The following PNLIP variants were observed in gnomAD, a reference collection of about 807,000 sequenced individuals.
PNLIP encodes pancreatic lipase, also known as pancreatic triacylglycerol lipase.
A neutral mutation model predicts 57.1 loss-of-function variants in PNLIP; 49 were observed. That is an observed-to-expected ratio of 0.86 (90% CI 0.68 to 1.09). The LOEUF (loss-of-function observed/expected upper bound fraction) is 1.09. PNLIP is among the 50% of genes least tolerant of loss of function. The pLI, the probability that PNLIP is intolerant of heterozygous loss-of-function variation, is 0.00. For missense variants in PNLIP, 503 were observed against 570.2 expected, an observed-to-expected ratio of 0.88 and a Z score of 1.20; for synonymous variants, 209 against 200.4, an observed-to-expected ratio of 1.04 and a Z score of -0.36.
In PNLIP at chr10:116,560,445, T is replaced by G. The variant is rs1452203552; in HGVS notation, c.1090T>G (p.Ser364Ala). 1.9e-6 allele frequency: 3 copies of G among 1,606,996 alleles called. No homozygotes were observed. The change falls in exon 11 of 13, where the codon TCT becomes GCT. Residue 364 changes from serine to alanine, a missense_variant. By Grantham distance (99) the Ser-to-Ala change is moderately conservative (BLOSUM62 1). Coordinates refer to ENST00000369221, the MANE Select transcript of PNLIP (RefSeq NM_000936.4). Reference protein sequence around the residue: ...RWRYKVSVTLSGKKVTGHILV... With the variant: ...RWRYKVSVTLAGKKVTGHILV... ...GAGGTATAAGGTATCTGTCACACTG[T>G]CTGGAAAAAAGGTTACAGGACACAT...
intron 3 of PNLIP, among the ~76,000 whole-genome samples, 167 bp downstream of exon 3, chr10:116,547,615 A>G (rs1847142995): frequency 6.6e-6 from 1 of 151,182 alleles, no homozygotes; most frequent in Non-Finnish European, 1.5e-5. Flanking sequence ...AGTCCCAGCT[A>G]CTCGGGAAAC....
chr10:116,549,899 G>A (rs1847172197), intron 4 of PNLIP, among the ~76,000 whole-genome samples: 1 of 152,050 alleles, frequency 6.6e-6, no homozygotes, highest in African/African-American at 2.4e-5. Context: ...GAAACAAGTG[G>A]TTTAAACTAG....
rs1215009132 is a variant in PNLIP, at chr10:116,559,144, T to C, written c.931-10T>C. 1 of 1,603,898 alleles carries C rather than the reference T, an allele frequency of 6.2e-7. No homozygotes were observed. Among genetic ancestry groups the C allele is most frequent in the Admixed American group, 1.7e-5 (1 of 57,328 alleles). ...GGCATCCTCATTCATCATTTGTTTG[T>C]TTTCACTAGAACAAGTGTTTCCCTT... On this transcript the variant is annotated splice_polypyrimidine_tract_variant and intron_variant, in intron 9 of 12. Transcript: ENST00000369221.
chr10:116,555,408 G>A lies in PNLIP; in HGVS notation c.712G>A (p.Val238Met), dbSNP rs776000006. Residue 238 changes from valine to methionine, a missense_variant, in exon 8 of 13, where the codon GTG (valine) becomes ATG (methionine). Transcript: ENST00000369221. ...PNLGFGMSQV[V>M]GHLDFFPNGG... Reference sequence around the variant, plus strand: ...TTCAGGGTTTGGAATGAGCCAAGTCGTGGGCCACCTAGATTTCTTTCCAAA... The same window carrying A: ...TTCAGGGTTTGGAATGAGCCAAGTCATGGGCCACCTAGATTTCTTTCCAAA... 3.5e-5 allele frequency: 56 copies of A among 1,614,018 alleles called. No individual in the cohort carries two copies. Among genetic ancestry groups the A allele is most frequent in the South Asian group, 1.1e-4 (10 of 91,078 alleles).
chr10:116,566,276 G>A (rs547124782), intron 12 of PNLIP, among the ~76,000 whole-genome samples: 1 of 152,164 alleles, frequency 6.6e-6, no homozygotes, highest in African/African-American at 2.4e-5. Context: ...GATGAATCTC[G>A]AGATAATTAT....
intron 9 of PNLIP, among the ~76,000 whole-genome samples, chr10:116,557,737 T>G (rs1847267772): frequency 1.3e-5 from 2 of 152,088 alleles, no homozygotes; most frequent in African/African-American, 4.8e-5. Flanking sequence ...CCCCTCACAG[T>G]GGGAATTGGG....
intron 10 of PNLIP, 120 bp from the exon 11 acceptor site, chr10:116,560,296 C>T (rs893551095): frequency 8.4e-6 from 5 of 596,532 alleles, no homozygotes; most frequent in Non-Finnish European, 1.5e-5. Flanking sequence ...CACACACACA[C>T]ACACACACAC....
intron 4 of PNLIP, among the ~76,000 whole-genome samples, chr10:116,549,278 C>G (rs1244353801): frequency 6.6e-6 from 1 of 151,894 alleles, no homozygotes; most frequent in African/African-American, 2.4e-5. Context: ...GAGTTCGAGA[C>G]CATACTGGCT....
intron 12 of PNLIP, among the ~76,000 whole-genome samples, chr10:116,565,815 G>C (rs1026489642): frequency 6.9e-6 from 1 of 145,524 alleles, no homozygotes; most frequent in Non-Finnish European, 1.5e-5. Context: ...AATATTTATA[G>C]CAATTTTTTT....
In PNLIP at chr10:116,555,119, A is replaced by G. The variant is rs1847238221; in HGVS notation, c.572-59A>G. On this transcript the variant is annotated intron_variant, in intron 6 of 12. Coordinates refer to ENST00000369221, the MANE Select transcript of PNLIP (RefSeq NM_000936.4). ...CCTTTCCATGCATAACTCATATTTT[A>G]CTCTTAATACTTGTACTCAGGACTT... is the stretch of plus-strand genomic sequence containing the variant. 3.8e-6 allele frequency: 6 copies of G among 1,585,642 alleles called. No individual in the cohort carries two copies. In the East Asian group the frequency reaches 6.7e-5, roughly 18 times the overall value.
intron 11 of PNLIP, 55 bp downstream of exon 11, chr10:116,560,579 G>A: frequency 1.3e-6 from 1 of 770,484 alleles, no homozygotes; most frequent in Non-Finnish European, 2.0e-6. Flanking sequence ...TTGAGTCGGA[G>A]TCTCGCTGTG....
chr10:116,560,139 C>T (rs1847297292), intron 10 of PNLIP, among the ~76,000 whole-genome samples: 1 of 151,718 alleles, frequency 6.6e-6, no homozygotes, highest in Non-Finnish European at 1.5e-5. Flanking sequence ...AAATTGAAAA[C>T]TAAATGTATT....
At position 116,547,348 on chromosome 10, in the gene PNLIP, C is replaced by T. The variant is rs1349991608; in HGVS notation, c.101C>T (p.Ser34Leu). 6.2e-7 allele frequency: 1 copy of T among 1,614,060 alleles called. No homozygotes were observed. The highest frequency in any genetic ancestry group is 2.2e-5 in the East Asian group (1 of 44,874). ...TGCTTCAGTGATGACTCCCCATGGT[C>T]AGGAATTACGGAAAGACCCCTCCAT... ...LGCFSDDSPW[S>L]GITERPLHIL... The change falls in exon 3 of 13, where the codon TCA becomes TTA. Residue 34 changes from serine (S) to leucine (L), a missense_variant. Physicochemically the swap from Ser to Leu is moderately radical, Grantham distance 145 (BLOSUM62 -2). Transcript: ENST00000369221.
chr10:116,557,652 G>A (rs989702233), intron 9 of PNLIP, among the ~76,000 whole-genome samples: 16 of 152,062 alleles, frequency 1.1e-4, no homozygotes, highest in African/African-American at 3.6e-4. Context: ...TGCCAACCCT[G>A]GGACTGTGAT....
Position 116,548,392 on chromosome 10 carries a change from C to T in PNLIP, c.234C>T (p.Gly78=). 1 of 1,613,978 alleles carries T rather than the reference C, an allele frequency of 6.2e-7. No homozygotes were observed. The highest frequency in any genetic ancestry group is 8.5e-7 in the Non-Finnish European group (1 of 1,179,892). Residue 78 remains glycine, a synonymous_variant, in exon 4 of 13, where the codon GGC becomes GGT. Coordinates refer to ENST00000369221, the MANE Select transcript of PNLIP (RefSeq NM_000936.4). ...EVAADSSSIS[G]SNFKTNRKTR... is the part of the protein sequence containing the mutation. The stretch of plus-strand genomic sequence containing the variant: ...CCGCAGATTCATCAAGCATCAGTGG[C>T]TCCAATTTCAAAACAAATAGAAAAA...
At chr10:116,547,273 T>C (rs773745726) in intron 2 of PNLIP, 21 bp from the exon 3 acceptor site, 23 of 1,612,484 alleles carry the variant, frequency 1.4e-5, no homozygotes, top group African/African-American at 2.7e-5. Flanking sequence ...GTAAAACTAA[T>C]ATCCTTCTGG....
chr10:116,563,162 GGCATATACA>G (rs1468863563), intron 12 of PNLIP, among the ~76,000 whole-genome samples: 1 of 152,096 alleles, frequency 6.6e-6, no homozygotes, highest in Non-Finnish European at 1.5e-5. Flanking sequence ...GTAAAGGCAT[GGCATATACA>G]GGTTAAGTGT....
At chr10:116,547,020 G>A (rs1187100393) in intron 2 of PNLIP, among the ~76,000 whole-genome samples, 2 of 152,196 alleles carry the variant, frequency 1.3e-5, no homozygotes, top group Non-Finnish European at 2.9e-5. Context: ...AGATATCTGA[G>A]TTTAGAGGCT....
intron 9 of PNLIP, among the ~76,000 whole-genome samples, chr10:116,556,867 T>C (rs1338168694): frequency 6.6e-6 from 1 of 152,180 alleles, no homozygotes; most frequent in Non-Finnish European, 1.5e-5. Flanking sequence ...ATATATACCT[T>C]AGTGATTAAG....
Sources: gnomAD v4.1 joint callset for allele counts (sites outside exome capture counted in the v4.1 genomes callset) on GRCh38, gnomAD v4.1.1 for gene constraint, MANE v1.5 for transcripts, NCBI Gene and HGNC (gene_info 2026-07-23, HGNC 2026-07-21) for gene names.